Variants in GLMN observed in about 807,000 individuals in gnomAD.
The protein encoded by GLMN is glomulin, FKBP associated protein.
In GLMN, 75 loss-of-function variants were observed where a neutral mutation model predicts 87.8. The observed-to-expected ratio is 0.85, with a 90% confidence interval of 0.71 to 1.04. GLMN has a LOEUF of 1.04. Among genes scored for constraint, GLMN ranks in the 50% least tolerant of loss-of-function variants. The pLI is 0.00. For synonymous variants in GLMN, 206 were observed against 221.6 expected, an observed-to-expected ratio of 0.93 and a Z score of 0.63; for missense variants, 588 against 658.8, an observed-to-expected ratio of 0.89 and a Z score of 1.18.
At chr1:92,250,833 T>C (rs767330415) in intron 16 of GLMN, among the ~76,000 whole-genome samples, 4 of 152,212 alleles carry the variant, frequency 2.6e-5, no homozygotes, top group Non-Finnish European at 5.9e-5. Flanking sequence ...GTCAGGTTTG[T>C]TGAGATATTG....
intron 7 of GLMN, among the ~76,000 whole-genome samples, chr1:92,285,929 T>C (rs1648696027): frequency 6.6e-6 from 1 of 152,226 alleles, no homozygotes; most frequent in African/African-American, 2.4e-5. Flanking sequence ...TACTTAAATA[T>C]GGAGCTATTT....
the GLMN span, chr1:92,323,576 A>G: frequency 1.1e-5 from 17 of 1,614,114 alleles, no homozygotes; most frequent in Non-Finnish European, 1.4e-5. Context: ...AGCAGTGACA[A>G]TGAGCAAGAC....
chr1:92,323,782 T>C, the GLMN span: 85 of 1,614,128 alleles, frequency 5.3e-5, no homozygotes, highest in Admixed American at 8.7e-4. Flanking sequence ...AGATGCTACA[T>C]GTGAACTTCC....
At chr1:92,311,274 A>G in the GLMN span, among the ~76,000 whole-genome samples, 5 of 152,290 alleles carry the variant, frequency 3.3e-5, no homozygotes, top group East Asian at 7.7e-4. Flanking sequence ...CTTTGGTTCT[A>G]ATGATTTACA....
At chr1:92,273,620 T>A (rs1031802898) in intron 7 of GLMN, among the ~76,000 whole-genome samples, 8 of 151,616 alleles carry the variant, frequency 5.3e-5, no homozygotes, top group South Asian at 4.2e-4. Flanking sequence ...ATTTTTTTTT[T>A]ATTTTTTTTA....
chr1:92,301,824 T>C (rs1347533181), upstream of GLMN, among the ~76,000 whole-genome samples: 2 of 152,220 alleles, frequency 1.3e-5, no homozygotes, highest in African/African-American at 4.8e-5. Flanking sequence ...TGACACGTAA[T>C]GTATATTTCA....
rs773800622 is a variant in GLMN at position 92,289,054 on chromosome 1, T to C, written c.492A>G (p.Glu164=). 2 of 1,611,438 alleles carry C rather than the reference T, an allele frequency of 1.2e-6. No individual in the cohort carries two copies. The highest frequency in any genetic ancestry group is 2.2e-5 in the South Asian group (2 of 91,034). Residue 164 remains glutamate (E), a synonymous_variant, in exon 6 of 19, where the codon GAA becomes GAG. Coordinates refer to ENST00000370360, the MANE Select transcript of GLMN (RefSeq NM_053274.3). Reference sequence around the variant, plus strand: ...GGCCATAGTCATCCATTTGTATTTGTTCTTTTGAGTATGGAACAGGAAGAA... The same window carrying C: ...GGCCATAGTCATCCATTTGTATTTGCTCTTTTGAGTATGGAACAGGAAGAA... The part of the protein sequence containing the change: ...LSLLPVPYSK[E]QIQMDDYGLC...
Position 92,297,531 on chromosome 1 carries a change from T to C in GLMN, c.40-2A>G. The C allele has an allele frequency of 6.4e-7, 1 of 1,571,784 alleles. No individual in the cohort carries two copies. Among genetic ancestry groups the C allele is most frequent in the Non-Finnish European group, 8.6e-7 (1 of 1,166,710 alleles). On this transcript the variant is annotated splice_acceptor_variant, in intron 2 of 18. Coordinates refer to ENST00000370360, the MANE Select transcript of GLMN (RefSeq NM_053274.3). LOFTEE classifies it high-confidence loss of function. ...AAAGTCTTGCTCTTCTAGGATTTGCTGGCAAAAAAAAAAAAAACCCAAAAA... is the reference window on the plus strand; with the variant it reads ...AAAGTCTTGCTCTTCTAGGATTTGCCGGCAAAAAAAAAAAAAACCCAAAAA...
chr1:92,305,406 C>T, the GLMN span, among the ~76,000 whole-genome samples: 16 of 83,566 alleles, frequency 1.9e-4, no homozygotes, highest in Admixed American at 2.6e-3. Flanking sequence ...GCATTCCAGC[C>T]GGGGCAACAG....
At chr1:92,358,454 A>G in the GLMN span, among the ~76,000 whole-genome samples, 1 of 152,162 alleles carries the variant, frequency 6.6e-6, no homozygotes. Flanking sequence ...ATCTCTATAC[A>G]TAGGCCTTTA....
At chr1:92,278,638 T>A (rs529787386) in intron 7 of GLMN, among the ~76,000 whole-genome samples, 24 of 152,158 alleles carry the variant, frequency 1.6e-4, no homozygotes, top group Non-Finnish European at 2.5e-4. Context: ...TGGGAATACA[T>A]CTGTTCTCCT....
chr1:92,278,019 T>C (rs1647496785), intron 7 of GLMN, among the ~76,000 whole-genome samples: 1 of 152,122 alleles, frequency 6.6e-6, no homozygotes, highest in African/African-American at 2.4e-5. Flanking sequence ...AATCTGACAC[T>C]ATCTCCAGGT....
chr1:92,278,613 T>C (rs1199359417), intron 7 of GLMN, among the ~76,000 whole-genome samples: 1 of 152,184 alleles, frequency 6.6e-6, no homozygotes, highest in Non-Finnish European at 1.5e-5. Context: ...TCTATACCCA[T>C]TGTACCACTG....
At chr1:92,259,825 C>T (rs1408244529) in intron 16 of GLMN, among the ~76,000 whole-genome samples, 3 of 147,270 alleles carry the variant, frequency 2.0e-5, no homozygotes, top group East Asian at 2.1e-4. Flanking sequence ...AGCTCCGCCT[C>T]CCGGTTCACG....
chr1:92,264,118 C>T (rs184695252), intron 14 of GLMN, among the ~76,000 whole-genome samples: 7 of 152,212 alleles, frequency 4.6e-5, no homozygotes, highest in South Asian at 2.1e-4. Flanking sequence ...GAGTTCAAGA[C>T]GAGCCTGGGC....
chr1:92,259,732 C>CTTTTTTTTTTTTTTTTT (rs58390058), intron 16 of GLMN, among the ~76,000 whole-genome samples: 2 of 108,192 alleles, frequency 1.8e-5, no homozygotes, highest in Non-Finnish European at 1.8e-5. Flanking sequence ...TTTTTTCTTT[C>CTTTTTTTTTTTTTTTTT]TTTTTTTTTT....
At chr1:92,322,117 T>C in the GLMN span, among the ~76,000 whole-genome samples, 2 of 151,690 alleles carry the variant, frequency 1.3e-5, no homozygotes, top group Non-Finnish European at 2.9e-5. Flanking sequence ...GGCTAATTTT[T>C]GTATTTTTAG....
chr1:92,271,749 T>G, intron 7 of GLMN, 97 bp from the exon 8 acceptor site: 1 of 836,278 alleles, frequency 1.2e-6, no homozygotes, highest in Non-Finnish European at 2.1e-6. Flanking sequence ...AGGGGAGGTG[T>G]AATCACTCCC....
intron 7 of GLMN, among the ~76,000 whole-genome samples, chr1:92,278,790 A>T (rs1377082738): frequency 6.6e-6 from 1 of 152,166 alleles, no homozygotes; most frequent in African/African-American, 2.4e-5. Context: ...GCTTTCCAAC[A>T]TTATAATTCT....
Sources: gnomAD v4.1 joint callset for allele counts (sites outside exome capture counted in the v4.1 genomes callset) on GRCh38, gnomAD v4.1.1 for gene constraint, MANE v1.5 for transcripts, NCBI Gene and HGNC (gene_info 2026-07-23, HGNC 2026-07-21) for gene names.